The following ATP2B2 variants were observed in gnomAD, a reference collection of about 807,000 sequenced individuals.
ATP2B2 encodes ATPase plasma membrane Ca2+ transporting 2.
ATP2B2 carries 15 observed loss-of-function variants against 120.0 expected under a neutral mutation model. The ratio of observed to expected loss-of-function variants is 0.12; its 90% CI spans 0.08 to 0.19. The LOEUF is 0.19. Ranked by LOEUF, ATP2B2 falls within the 10% of genes least tolerant of loss-of-function variation. The pLI is 1.00. For synonymous variants in ATP2B2, 694 were observed against 700.3 expected (o/e 0.99, Z 0.14); for missense variants, 1,045 against 1,719.8 (o/e 0.61, Z 6.94).
intron 1 of ATP2B2, among the ~76,000 whole-genome samples, chr3:10,686,285 C>A (rs1403045047): frequency 1.3e-5 from 2 of 152,128 alleles, no homozygotes; most frequent in Admixed American, 1.3e-4. Context: ...TTGTGGAGGA[C>A]AGAGATTATG....
chr3:10,398,933 G>C (rs1575119967), intron 5 of ATP2B2, among the ~76,000 whole-genome samples: 1 of 152,096 alleles, frequency 6.6e-6, no homozygotes, highest in South Asian at 2.1e-4. Flanking sequence ...ACTCACTCCA[G>C]GCTGGCTGGT....
chr3:10,641,984 TCA>T (rs2070184038), intron 1 of ATP2B2, among the ~76,000 whole-genome samples: 43 of 66,900 alleles, frequency 6.4e-4, no homozygotes, highest in Admixed American at 5.0e-3. Flanking sequence ...ACCCACACAC[TCA>T]TCCACCCATC....
At chr3:10,547,144 G>A (rs1036544291) in intron 2 of ATP2B2, among the ~76,000 whole-genome samples, 12 of 152,046 alleles carry the variant, frequency 7.9e-5, no homozygotes, top group African/African-American at 2.7e-4. Context: ...AGAGCAGCTC[G>A]GGTCAAGGGC....
chr3:10,443,469 T>C (rs1467516973), intron 2 of ATP2B2, among the ~76,000 whole-genome samples: 3 of 152,084 alleles, frequency 2.0e-5, no homozygotes, highest in Admixed American at 6.5e-5. Flanking sequence ...GAGAGCGTAG[T>C]CTGGGATTTT....
chr3:10,589,948 A>C (rs2068603089), intron 2 of ATP2B2, among the ~76,000 whole-genome samples: 1 of 152,194 alleles, frequency 6.6e-6, no homozygotes, highest in Non-Finnish European at 1.5e-5. Context: ...TACCCAAAAG[A>C]AACAAAAACT....
chr3:10,704,307 G>A (rs1011919798), intron 1 of ATP2B2, among the ~76,000 whole-genome samples: 7 of 152,146 alleles, frequency 4.6e-5, no homozygotes, highest in African/African-American at 1.4e-4. Context: ...AGTGGCATAT[G>A]GCAGGGGCTT....
At chr3:10,396,266 C>T (rs1439367341) in intron 5 of ATP2B2, among the ~76,000 whole-genome samples, 1 of 152,230 alleles carries the variant, frequency 6.6e-6, no homozygotes, top group Non-Finnish European at 1.5e-5. Flanking sequence ...GCCTGTGGTC[C>T]CCACAACAGC....
chr3:10,562,228 C>T (rs1282249249), intron 2 of ATP2B2, among the ~76,000 whole-genome samples: 2 of 152,086 alleles, frequency 1.3e-5, no homozygotes, highest in African/African-American at 4.8e-5. Context: ...CAGGTGCTTA[C>T]CAGGGGCTAG....
intron 1 of ATP2B2, among the ~76,000 whole-genome samples, chr3:10,655,659 G>A (rs1204254771): frequency 3.3e-5 from 5 of 152,078 alleles, no homozygotes; most frequent in East Asian, 1.9e-4. Context: ...CCATGTCCCT[G>A]GACTTACGTG....
At chr3:10,583,796 C>T (rs1373881389) in intron 2 of ATP2B2, among the ~76,000 whole-genome samples, 2 of 152,176 alleles carry the variant, frequency 1.3e-5, no homozygotes, top group African/African-American at 4.8e-5. Context: ...CACCCTGTTT[C>T]CCACTGCAAG....
chr3:10,517,507 C>A (rs1382074440), intron 3 of ATP2B2, among the ~76,000 whole-genome samples: 1 of 152,220 alleles, frequency 6.6e-6, no homozygotes, highest in East Asian at 1.9e-4. Context: ...TCCCCTTCAG[C>A]CTATAACACT....
chr3:10,518,624 G>A (rs1292738436), intron 3 of ATP2B2, among the ~76,000 whole-genome samples: 1 of 152,196 alleles, frequency 6.6e-6, no homozygotes, highest in African/African-American at 2.4e-5. Context: ...GCGCCGCTGC[G>A]GCCGTGCTGA....
At chr3:10,677,778 C>T (rs1244431235) in intron 1 of ATP2B2, among the ~76,000 whole-genome samples, 1 of 152,158 alleles carries the variant, frequency 6.6e-6, no homozygotes, top group East Asian at 1.9e-4. Flanking sequence ...CATGAAGAAA[C>T]ATTACAAGGT....
intron 1 of ATP2B2, among the ~76,000 whole-genome samples, chr3:10,630,033 C>G (rs1214583270): frequency 3.3e-5 from 5 of 152,194 alleles, no homozygotes; most frequent in African/African-American, 1.2e-4. Context: ...ACTGTCCGTC[C>G]AAGGCTGGGA....
At chr3:10,339,789 A>G (rs1559529656) in intron 21 of ATP2B2, among the ~76,000 whole-genome samples, 1 of 152,158 alleles carries the variant, frequency 6.6e-6, no homozygotes, top group East Asian at 1.9e-4. Context: ...GCGCCCGCAG[A>G]CCACTGATTC....
intron 1 of ATP2B2, among the ~76,000 whole-genome samples, chr3:10,624,646 T>C (rs1479561738): frequency 2.0e-5 from 3 of 152,216 alleles, no homozygotes; most frequent in African/African-American, 7.2e-5. Flanking sequence ...CCAACAGGGC[T>C]TTCCTGACCC....
chr3:10,694,531 C>A (rs2071713659), intron 1 of ATP2B2, among the ~76,000 whole-genome samples: 1 of 152,194 alleles, frequency 6.6e-6, no homozygotes, highest in Non-Finnish European at 1.5e-5. Flanking sequence ...GGTGGATGGA[C>A]CACAGCTGTT....
intron 1 of ATP2B2, among the ~76,000 whole-genome samples, chr3:10,625,838 C>T (rs748230535): frequency 1.2e-4 from 18 of 152,334 alleles, no homozygotes; most frequent in Middle Eastern, 3.4e-3. Context: ...ACCTCCCTGA[C>T]GCTTGCTAAA....
intron 3 of ATP2B2, among the ~76,000 whole-genome samples, chr3:10,517,586 G>C (rs1462337874): frequency 6.6e-6 from 1 of 152,166 alleles, no homozygotes; most frequent in African/African-American, 2.4e-5. Flanking sequence ...CTGCTACTCA[G>C]CCACTACTTG....
Sources: allele counts gnomAD v4.1 joint callset (sites outside exome capture counted in the v4.1 genomes callset), GRCh38; gene constraint gnomAD v4.1.1; transcripts MANE v1.5; gene names NCBI Gene and HGNC (gene_info 2026-07-23, HGNC 2026-07-21).